Variants in MUC4 observed in about 807,000 individuals in gnomAD.
The protein encoded by MUC4 is mucin 4, cell surface associated.
Under a neutral mutation model 257.9 loss-of-function variants are expected in MUC4, and 202 were observed. The observed-to-expected ratio is 0.78, with a 90% CI of 0.70 to 0.88. MUC4 has a LOEUF of 0.88. Among genes scored for constraint, MUC4 ranks in the 40% least tolerant of loss-of-function variants. MUC4 has a pLI of 0.00. For missense variants in MUC4, 5,976 were observed against 6,513.7 expected (o/e 0.92, Z 2.84); for synonymous variants, 2,351 against 2,757.1 (o/e 0.85, Z 4.62).
chr3:195,798,687 G>C (rs1426635374), intron 1 of MUC4, among the ~76,000 whole-genome samples: 2 of 152,070 alleles, frequency 1.3e-5, no homozygotes, highest in Non-Finnish European at 2.9e-5. Flanking sequence ...CTGGGTGACA[G>C]AGTGAGACTC....
chr3:195,794,371 TATAG>T (rs1290475747), intron 1 of MUC4, among the ~76,000 whole-genome samples: 13 of 132,756 alleles, frequency 9.8e-5, no homozygotes, highest in African/African-American at 3.8e-4. Context: ...AACATATATA[TATAG>T]AGAGAGAGAG....
chr3:195,754,156 C>G (rs1255508494), intron 19 of MUC4, 57 bp downstream of exon 19: 2 of 1,567,018 alleles, frequency 1.3e-6, no homozygotes, highest in Non-Finnish European at 1.7e-6. Flanking sequence ...CTGTCTACAC[C>G]CTTGAGCTAT....
Position 195,789,863 on chromosome 3 carries a change from T to C in MUC4, c.1717A>G (p.Thr573Ala). The C allele has an allele frequency of 6.2e-7, 1 of 1,613,996 alleles. No homozygotes were observed. Among genetic ancestry groups the C allele is most frequent in the South Asian group, 1.1e-5 (1 of 91,078 alleles). The stretch of plus-strand genomic sequence containing the variant: ...CTGCTGAGAAGAGCCTCTCCAGTGG[T>C]CCCCGTTTCTTGTGTCCATTGTGTC... The part of the protein sequence containing the change: ...AQTQWTQETG[T>A]TGEALLSSPS... Residue 573 changes from threonine to alanine, a missense_variant, in exon 2 of 25, where the codon ACC becomes GCC. Thr to Ala is a moderately conservative substitution (Grantham distance 58). Transcript: ENST00000463781.
chr3:195,783,043 G>A lies in MUC4; in HGVS notation c.8537C>T (p.Thr2846Ile), dbSNP rs1359858636. 4 of 1,071,776 alleles carry A rather than the reference G, an allele frequency of 3.7e-6. No homozygotes were observed. Among genetic ancestry groups the A allele is most frequent in the Non-Finnish European group, 5.1e-6 (4 of 791,156 alleles). 66.4% of individuals were successfully genotyped at this position (1,071,776 alleles called of 1,614,324 possible). A position where few individuals can be genotyped will look rare whatever the true frequency, so the allele number is the denominator to read the frequency against. Residue 2846 changes from threonine to isoleucine, a missense_variant, in exon 2 of 25, where the codon ACC becomes ATC. Around this residue, in one of 44 missense-constraint regions of MUC4, gnomAD observed 228 missense variants for 206.3 expected, o/e 1.11. Transcript: ENST00000463781. ...AGCGTCGGTGACAGGAAGAGGGGTG[G>A]TGTGACCTGAGGATGCTGAGGAAGG... The part of the protein sequence containing the change: ...TIPSSASSGH[T>I]TPLPVTDASS...
At position 195,790,707 on chromosome 3, in the gene MUC4, T is replaced by C. The variant is rs893434615; in HGVS notation, c.873A>G (p.Pro291=). The change falls in exon 2 of 25, where the codon CCA becomes CCG. Residue 291 remains proline, a synonymous_variant. Coordinates refer to ENST00000463781, the MANE Select transcript of MUC4 (RefSeq NM_018406.7). ...ATGTTACTAAGGCTGCTGAGGTGAC[T>C]GGCATAAGACTTCCAGTAACAGGTA... is the stretch of plus-strand genomic sequence containing the variant. The part of the protein sequence containing the change: ...SSVPVTGSLM[P]VTSAALVTFD... 6.2e-7 allele frequency: 1 copy of C among 1,614,020 alleles called. No individual in the cohort carries two copies. Among genetic ancestry groups the C allele is most frequent in the Non-Finnish European group, 8.5e-7 (1 of 1,179,902 alleles).
At position 195,752,445 on chromosome 3, in the gene MUC4, T is replaced by A. The variant is rs780198332; in HGVS notation, c.15510A>T (p.Glu5170Asp). 6.2e-7 allele frequency: 1 copy of A among 1,613,460 alleles called. No individual in the cohort carries two copies. Among genetic ancestry groups the A allele is most frequent in the African/African-American group, 1.3e-5 (1 of 74,942 alleles). Residue 5170 changes from glutamate (E) to aspartate (D), a missense_variant and splice_region_variant, in exon 21 of 25, where the codon GAA becomes GAT. Physicochemically the swap from Glu to Asp is conservative, Grantham distance 45 (BLOSUM62 2). Around this residue, in one of 44 missense-constraint regions of MUC4, gnomAD observed 996 missense variants for 1,137.3 expected, o/e 0.88. Coordinates refer to ENST00000463781, the MANE Select transcript of MUC4 (RefSeq NM_018406.7). ...AGAGCTGGATGACTCTTAAGGGAAG[T>A]TCTGGAGATGGGAGAAGCAAATGTA... ...GNNFSPTVNL[E>D]LPLRVIQLLL...
Position 195,762,172 on chromosome 3 carries a change from G to C in MUC4, c.14427C>G (p.Thr4809=). ...EVSASFDGWA[T]VSVIALSNIL... is the part of the protein sequence containing the mutation. ...TGTTGGAGAGCGCGATCACCGAGACGGTGGCCCAGCCGTCGAAGCTGGCCG... is the reference window on the plus strand; with the variant it reads ...TGTTGGAGAGCGCGATCACCGAGACCGTGGCCCAGCCGTCGAAGCTGGCCG... The change falls in exon 14 of 25, where the codon ACC becomes ACG. Residue 4809 remains threonine (T), a synonymous_variant. Coordinates refer to ENST00000463781, the MANE Select transcript of MUC4 (RefSeq NM_018406.7). 6.2e-7 allele frequency: 1 copy of C among 1,607,100 alleles called. No homozygotes were observed. Among genetic ancestry groups the C allele is most frequent in the Non-Finnish European group, 8.5e-7 (1 of 1,177,232 alleles).
chr3:195,809,210 GA>G (rs750759032), intron 1 of MUC4, among the ~76,000 whole-genome samples: 10 of 152,222 alleles, frequency 6.6e-5, no homozygotes, highest in African/African-American at 9.6e-5. Context: ...GTTCCTTAAG[GA>G]AACCCTCATT....
chr3:195,811,767 C>T lies in MUC4; in HGVS notation c.51G>A (p.Leu17=). The part of the protein sequence containing the change: ...RRVPWVSLSC[L]CLCLLPHVVP... ...CCACATGCGGAAGGAGGCAGAGACA[C>T]AGGCAGCTCAGGGACACCCAGGGGA... The change falls in exon 1 of 25, where the codon CTG becomes CTA. Residue 17 remains leucine (L), a synonymous_variant. Transcript: ENST00000463781. 1.2e-6 allele frequency: 2 copies of T among 1,614,056 alleles called. No individual in the cohort carries two copies. The highest frequency in any genetic ancestry group is 1.7e-6 in the Non-Finnish European group (2 of 1,179,994).
intron 7 of MUC4, among the ~76,000 whole-genome samples, chr3:195,767,573 T>TCACCACCACCATCAC (rs1315147116): frequency 1.5e-3 from 93 of 61,940 alleles, no homozygotes; most frequent in African/African-American, 0.011. Context: ...GCCACCACCA[T>TCACCACCACCATCAC]CACCACCACC....
chr3:195,763,094 C>T (rs1337600559), intron 12 of MUC4, 149 bp from the exon 13 acceptor site: 8 of 698,038 alleles, frequency 1.1e-5, no homozygotes, highest in Admixed American at 8.5e-5. Flanking sequence ...TGCCAGCCGC[C>T]GTCTACCGTG....
At chr3:195,791,789 A>G (rs11925666) in intron 1 of MUC4, among the ~76,000 whole-genome samples, 41,734 of 152,092 alleles carry the variant, frequency 0.27, 7,318 homozygotes, top group African/African-American at 0.49. Context: ...CAAAACTGAC[A>G]TATAAACCAA....
chr3:195,802,289 A>T (rs1318568712), intron 1 of MUC4, among the ~76,000 whole-genome samples: 1 of 144,478 alleles, frequency 6.9e-6, no homozygotes, highest in Non-Finnish European at 1.6e-5. Flanking sequence ...CCAAGTGTTC[A>T]CCCCATCGCG....
In MUC4 at chr3:195,778,459, G is replaced by C. The variant is rs1725514993; in HGVS notation, c.12791-4C>G. Reference sequence around the variant, plus strand: ...TTCAGTGACGGTGTTGTCATTCCTGGACACGTGAAAAGACAAGGCGGGGTG... The same window carrying C: ...TTCAGTGACGGTGTTGTCATTCCTGCACACGTGAAAAGACAAGGCGGGGTG... On this transcript the variant is annotated splice_region_variant and splice_polypyrimidine_tract_variant and intron_variant, in intron 2 of 24. Transcript: ENST00000463781. 8.1e-6 allele frequency: 13 copies of C among 1,611,704 alleles called. No homozygotes were observed. Among genetic ancestry groups the C allele is most frequent in the Non-Finnish European group, 9.3e-6 (11 of 1,179,534 alleles).
intron 3 of MUC4, among the ~76,000 whole-genome samples, chr3:195,774,910 A>C (rs904245535): frequency 6.6e-6 from 1 of 151,626 alleles, no homozygotes; most frequent in African/African-American, 2.4e-5. Context: ...TCAAAAAAAA[A>C]AAAAAAAATA....
chr3:195,756,502 C>A (rs769022174), intron 18 of MUC4, among the ~76,000 whole-genome samples: 2 of 149,790 alleles, frequency 1.3e-5, no homozygotes, highest in Non-Finnish European at 3.0e-5. Flanking sequence ...AAGTAAGGTT[C>A]TTTCCTCTTT....
chr3:195,807,470 AAAAC>A (rs768770274), intron 1 of MUC4, among the ~76,000 whole-genome samples: 3 of 152,190 alleles, frequency 2.0e-5, no homozygotes, highest in Non-Finnish European at 4.4e-5. Context: ...TCTGTCTCAA[AAAAC>A]AAACAAACAA....
intron 7 of MUC4, 48 bp downstream of exon 7, chr3:195,768,974 C>A (rs377329422): frequency 2.3e-5 from 36 of 1,587,304 alleles, no homozygotes; most frequent in Non-Finnish European, 3.1e-5. Context: ...GCCGACTCTA[C>A]ACCCCTCCCT....
intron 4 of MUC4, among the ~76,000 whole-genome samples, chr3:195,772,172 TCTCCATCGCTCAGGGGGTGGAGCCCTCC>T (rs143261017): frequency 0.4 from 61,017 of 150,918 alleles, 13,837 homozygotes; most frequent in East Asian, 0.74. Context: ...TGGAACCCTC[TCTCCATCGCTCAGGGGGTGGAGCCCTCC>T]CTCCATCGCT....
Sources: allele counts gnomAD v4.1 joint callset (sites outside exome capture counted in the v4.1 genomes callset), GRCh38; gene constraint gnomAD v4.1.1; regional missense constraint gnomAD v4.1.1; transcripts MANE v1.5; gene names NCBI Gene and HGNC (gene_info 2026-07-23, HGNC 2026-07-21).